Variants in COL28A1 observed in about 807,000 individuals in gnomAD.
The protein encoded by COL28A1 is collagen type XXVIII alpha 1 chain.
COL28A1 carries 161 observed loss-of-function variants against 150.2 expected under a neutral mutation model. The observed-to-expected ratio is 1.07, with a 90% CI of 0.94 to 1.22. COL28A1 has a LOEUF of 1.22. Among genes scored for constraint, COL28A1 ranks in the 50% most tolerant of loss-of-function variants. The pLI, the probability that COL28A1 is intolerant of heterozygous loss-of-function variation, is 0.00. For missense variants in COL28A1, 1,617 were observed against 1,388.3 expected (o/e 1.16, Z -2.62); for synonymous variants, 552 against 469.7 (o/e 1.18, Z -2.26).
intron 18 of COL28A1, among the ~76,000 whole-genome samples, chr7:7,450,659 A>G (rs1382816019): frequency 6.6e-6 from 1 of 152,156 alleles, no homozygotes; most frequent in Non-Finnish European, 1.5e-5. Flanking sequence ...TTCCCATTCT[A>G]CCTCTAACTG....
chr7:7,370,960 C>G, intron 32 of COL28A1, 78 bp from the exon 33 acceptor site: 2 of 960,356 alleles, frequency 2.1e-6, no homozygotes, highest in Non-Finnish European at 3.1e-6. Context: ...AAGATCTGCA[C>G]TCTCCTTAAA....
chr7:7,386,275 G>C (rs1294635), intron 27 of COL28A1, among the ~76,000 whole-genome samples: 114,820 of 152,118 alleles, frequency 0.75, 44,097 homozygotes, highest in East Asian at 0.88. Context: ...TGTTTTCTCA[G>C]TAAGGTGTGG....
At chr7:7,475,198 C>T (rs887664537) in intron 14 of COL28A1, among the ~76,000 whole-genome samples, 8 of 151,966 alleles carry the variant, frequency 5.3e-5, no homozygotes, top group Non-Finnish European at 1.0e-4. Flanking sequence ...AGTTACATGA[C>T]GTAAGTGAAC....
intron 3 of COL28A1, among the ~76,000 whole-genome samples, chr7:7,527,704 G>A (rs1294055244): frequency 1.3e-5 from 2 of 152,180 alleles, no homozygotes; most frequent in Non-Finnish European, 2.9e-5. Flanking sequence ...AGAAGATGCA[G>A]TCAGAATTTC....
chr7:7,354,195 T>C (rs1780297007), downstream of COL28A1, among the ~76,000 whole-genome samples: 1 of 152,056 alleles, frequency 6.6e-6, no homozygotes, highest in African/African-American at 2.4e-5. Flanking sequence ...AGTTTTCCCA[T>C]GTTGCCCAGG....
At chr7:7,473,608 C>T (rs112008351) in intron 15 of COL28A1, among the ~76,000 whole-genome samples, 1 of 152,116 alleles carries the variant, frequency 6.6e-6, no homozygotes, top group East Asian at 1.9e-4. Context: ...CTAGTACAAC[C>T]AGTATGGAAA....
chr7:7,361,115 C>CTCTT (rs3067747), intron 33 of COL28A1, among the ~76,000 whole-genome samples: 117,816 of 151,642 alleles, frequency 0.78, 45,948 homozygotes, highest in East Asian at 0.88. Context: ...CCTTTGCCTG[C>CTCTT]TCTATTATCA....
At chr7:7,543,674 T>G in the COL28A1 span, among the ~76,000 whole-genome samples, 2 of 152,118 alleles carry the variant, frequency 1.3e-5, no homozygotes, top group African/African-American at 4.8e-5. Flanking sequence ...CAACTTCAAG[T>G]ACACACACAA....
At chr7:7,525,598 C>T (rs1781982493) in intron 3 of COL28A1, among the ~76,000 whole-genome samples, 1 of 152,128 alleles carries the variant, frequency 6.6e-6, no homozygotes, top group Admixed American at 6.6e-5. Flanking sequence ...ATTAAAAATG[C>T]AGAAGCTAAC....
At chr7:7,534,598 G>C (rs1482116450) in intron 1 of COL28A1, among the ~76,000 whole-genome samples, 3 of 152,078 alleles carry the variant, frequency 2.0e-5, no homozygotes, top group East Asian at 3.8e-4. Context: ...ATTGAGAACT[G>C]AGCAAGATTT....
intron 27 of COL28A1, among the ~76,000 whole-genome samples, chr7:7,407,560 G>A (rs1783555467): frequency 6.6e-6 from 1 of 151,958 alleles, no homozygotes; most frequent in Non-Finnish European, 1.5e-5. Context: ...AGGAAAAACT[G>A]TACTTGAAAT....
chr7:7,503,774 CAAAGTA>C (rs1210757041), intron 11 of COL28A1, among the ~76,000 whole-genome samples: 1 of 152,130 alleles, frequency 6.6e-6, no homozygotes, highest in Non-Finnish European at 1.5e-5. Flanking sequence ...GTAATAGTGT[CAAAGTA>C]AGAGTACAGA....
At chr7:7,492,290 T>C (rs928290838) in intron 11 of COL28A1, among the ~76,000 whole-genome samples, 1 of 151,970 alleles carries the variant, frequency 6.6e-6, no homozygotes, top group East Asian at 1.9e-4. Flanking sequence ...ATAAGAAGTC[T>C]GTAACCGATG....
the COL28A1 span, among the ~76,000 whole-genome samples, chr7:7,340,361 C>T: frequency 6.6e-6 from 1 of 152,138 alleles, no homozygotes; most frequent in Non-Finnish European, 1.5e-5. Context: ...AACCTGCTAA[C>T]CTGGCCCAGG....
the COL28A1 span, among the ~76,000 whole-genome samples, chr7:7,542,812 C>T: frequency 3.3e-5 from 5 of 152,116 alleles, no homozygotes; most frequent in African/African-American, 1.2e-4. Flanking sequence ...AGGAAACTTA[C>T]TATGACACCA....
At chr7:7,507,094 A>C (rs368740858) in intron 10 of COL28A1, 23 bp downstream of exon 10, 5 of 1,030,118 alleles carry the variant, frequency 4.9e-6, no homozygotes, top group African/African-American at 3.1e-5. Context: ...ATTCAAACTT[A>C]GATTTGGTTT....
chr7:7,469,581 A>C (rs1338098093), intron 15 of COL28A1, among the ~76,000 whole-genome samples: 57 of 94,964 alleles, frequency 6.0e-4, no homozygotes, highest in African/African-American at 2.4e-3. Context: ...GCTACCAATG[A>C]CTTTCTTCAC....
At position 7,436,416 on chromosome 7, in the gene COL28A1, TC is replaced by T; in HGVS notation, c.1838del (p.Gly613AspfsTer71). The T allele has an allele frequency of 7.0e-7, 1 of 1,429,206 alleles. No homozygotes were observed. Among genetic ancestry groups the T allele is most frequent in the Non-Finnish European group, 9.9e-7 (1 of 1,010,924 alleles). The allele number at this position is 1,429,206 out of a possible 1,614,324, so 88.5% of individuals were successfully genotyped here. A position where few individuals can be genotyped will look rare whatever the true frequency, so the allele number is the denominator to read the frequency against. ...PGIPGFKGEP[G>X]LSIRGPKGVQ... ...ATACCTTTGGTCCTCGAATAGAAAG[TC>T]CAGGTTCTCCCTTAAATCCAGGTAT... On this transcript the variant is annotated frameshift_variant, in exon 23 of 35. Transcript: ENST00000399429. LOFTEE classifies it high-confidence loss of function.
chr7:7,381,074 A>C (rs772483341), intron 28 of COL28A1, among the ~76,000 whole-genome samples: 1 of 152,180 alleles, frequency 6.6e-6, no homozygotes, highest in Non-Finnish European at 1.5e-5. Flanking sequence ...GAGGTCTCAG[A>C]GTGAAGAGAC....
Sources: allele counts gnomAD v4.1 joint callset (sites outside exome capture counted in the v4.1 genomes callset), GRCh38; gene constraint gnomAD v4.1.1; transcripts MANE v1.5; gene names NCBI Gene and HGNC (gene_info 2026-07-23, HGNC 2026-07-21).